Variants in REC114 observed in about 807,000 individuals in gnomAD.
REC114 encodes the protein REC114 meiotic recombination protein, also known as meiotic recombination protein REC114.
In REC114, 27 loss-of-function variants were observed where a neutral mutation model predicts 31.3. The observed-to-expected ratio is 0.86, with a 90% CI of 0.64 to 1.19. REC114 has a LOEUF of 1.19. Among genes scored for constraint, REC114 ranks in the 50% most tolerant of loss-of-function variants. REC114 has a pLI of 0.00. For synonymous variants in REC114, 134 were observed against 127.7 expected, an observed-to-expected ratio of 1.05 and a Z score of -0.33; for missense variants, 344 against 326.9, an observed-to-expected ratio of 1.05 and a Z score of -0.40.
chr15:73,518,259 C>T (rs1420850714), intron 2 of REC114, among the ~76,000 whole-genome samples: 1 of 152,182 alleles, frequency 6.6e-6, no homozygotes, highest in African/African-American at 2.4e-5. Flanking sequence ...ATAACTTATT[C>T]CTTCATGGAT....
chr15:73,451,084 G>A (rs957004884), intron 1 of REC114, among the ~76,000 whole-genome samples: 5 of 152,112 alleles, frequency 3.3e-5, no homozygotes, highest in Non-Finnish European at 7.4e-5. Context: ...AACTAGAGAA[G>A]CAAGAGCAAA....
At position 73,543,095 on chromosome 15, in the gene REC114, G is replaced by T. The variant is rs190571945; in HGVS notation, c.333+2527G>T. The stretch of plus-strand genomic sequence containing the variant: ...TCAAAAACTAGTTTCTAATTTGACA[G>T]GCAGAAATAAGCATATTCCTTTAAT... On this transcript the variant is annotated intron_variant, in intron 3 of 5. Transcript: ENST00000331090. Among the ~76,000 whole-genome samples, 82 of 152,140 alleles carry T rather than the reference G, an allele frequency of 5.4e-4. 1 individual carries two copies. The highest frequency in any genetic ancestry group is 1.8e-3 in the African/African-American group (74 of 41,492).
At chr15:73,484,645 A>G (rs1893342571) in intron 2 of REC114, among the ~76,000 whole-genome samples, 1 of 152,208 alleles carries the variant, frequency 6.6e-6, no homozygotes, top group African/African-American at 2.4e-5. Context: ...CAGGTTCTAA[A>G]TATATCCAAA....
At chr15:73,514,399 G>C (rs951201811) in intron 2 of REC114, among the ~76,000 whole-genome samples, 1 of 151,822 alleles carries the variant, frequency 6.6e-6, no homozygotes, top group African/African-American at 2.4e-5. Context: ...GAAATCACCC[G>C]TCTTCTGCGT....
intron 3 of REC114, among the ~76,000 whole-genome samples, chr15:73,549,339 G>C (rs989266975): frequency 3.3e-5 from 5 of 152,204 alleles, no homozygotes; most frequent in African/African-American, 9.7e-5. Context: ...TGGAGATAAA[G>C]AGTAGAAGGA....
At position 73,465,167 on chromosome 15, in the gene REC114, C is replaced by T. The variant is rs1335314728; in HGVS notation, c.160-8665C>T. Among the ~76,000 whole-genome samples the T allele has an allele frequency of 2.6e-5, 4 of 152,156 alleles. No homozygotes were observed. The East Asian group carries it at 7.7e-4, about 29-fold the overall frequency. Reference sequence around the variant, plus strand: ...TCGGCCTCCCAAAGTGCTGGGCTTACAGGTGTGAGTCACTGTCCCCTGCCA... The same window carrying T: ...TCGGCCTCCCAAAGTGCTGGGCTTATAGGTGTGAGTCACTGTCCCCTGCCA... On this transcript the variant is annotated intron_variant, in intron 1 of 5. Transcript: ENST00000331090.
At chr15:73,457,173 G>A (rs1000150700) in intron 1 of REC114, among the ~76,000 whole-genome samples, 1 of 151,116 alleles carries the variant, frequency 6.6e-6, no homozygotes, top group African/African-American at 2.4e-5. Flanking sequence ...CTGGGACTAG[G>A]GCTAATTTTT....
chr15:73,473,233 A>G (rs1012457931), intron 1 of REC114, among the ~76,000 whole-genome samples: 14 of 152,268 alleles, frequency 9.2e-5, no homozygotes, highest in Admixed American at 7.8e-4. Context: ...CACTAAAAAT[A>G]CAAAAATTAA....
chr15:73,521,316 C>T (rs936259369), intron 2 of REC114, among the ~76,000 whole-genome samples: 14 of 152,090 alleles, frequency 9.2e-5, no homozygotes, highest in African/African-American at 3.1e-4. Flanking sequence ...TTCAAGTACA[C>T]ATAGTATACA....
At chr15:73,497,004 CAGAAG>C (rs1401802755) in intron 2 of REC114, among the ~76,000 whole-genome samples, 1 of 151,372 alleles carries the variant, frequency 6.6e-6, no homozygotes, top group South Asian at 2.1e-4. Context: ...CTCTGAAAGA[CAGAAG>C]AGATGTTCAG....
intron 2 of REC114, among the ~76,000 whole-genome samples, chr15:73,505,400 C>T (rs867551635): frequency 1.3e-5 from 2 of 152,086 alleles, no homozygotes; most frequent in Middle Eastern, 3.4e-3. Context: ...GTTTTTTGTC[C>T]AATTGGCCCG....
intron 2 of REC114, among the ~76,000 whole-genome samples, chr15:73,519,080 C>T (rs763217731): frequency 3.3e-5 from 5 of 152,192 alleles, no homozygotes; most frequent in South Asian, 2.1e-4. Context: ...AACAAACAAG[C>T]GAAACAGAAA....
intron 2 of REC114, among the ~76,000 whole-genome samples, chr15:73,528,786 A>G (rs1894038563): frequency 6.6e-6 from 1 of 152,238 alleles, no homozygotes; most frequent in Non-Finnish European, 1.5e-5. Flanking sequence ...GAGTCTGTAC[A>G]ATCAAAATGC....
intron 3 of REC114, among the ~76,000 whole-genome samples, chr15:73,547,488 G>A (rs1271969285): frequency 2.6e-5 from 4 of 152,110 alleles, no homozygotes; most frequent in Admixed American, 6.5e-5. Flanking sequence ...CAGTTTGGAC[G>A]TTCCTCAAAA....
At chr15:73,448,366 G>A (rs1005346342) in intron 1 of REC114, among the ~76,000 whole-genome samples, 1 of 152,200 alleles carries the variant, frequency 6.6e-6, no homozygotes, top group African/African-American at 2.4e-5. Context: ...CCCTTACAGT[G>A]TAAACAAAGC....
intron 1 of REC114, among the ~76,000 whole-genome samples, chr15:73,464,882 GTTTT>G (rs1334892458): frequency 6.6e-6 from 1 of 151,712 alleles, no homozygotes; most frequent in Non-Finnish European, 1.5e-5. Context: ...TGGATGATGT[GTTTT>G]TTGTTTGTTT....
rs187130910 is a variant in REC114, at chr15:73,448,325, G to A, written c.159+4981G>A. Among the ~76,000 whole-genome samples the A allele has an allele frequency of 3.6e-3, 541 of 152,258 alleles. 2 individuals are homozygous for A. Among genetic ancestry groups the A allele is most frequent in the Admixed American group, 7.6e-3 (116 of 15,296 alleles). Reference sequence around the variant, plus strand: ...TATCTTGGTGGGGGGAAGGGCATCCGCCATTGCTGAGGCTTGAGTAGGTGG... The same window carrying A: ...TATCTTGGTGGGGGGAAGGGCATCCACCATTGCTGAGGCTTGAGTAGGTGG... On this transcript the variant is annotated intron_variant, in intron 1 of 5. Transcript: ENST00000331090.
chr15:73,489,018 T>C (rs1893410014), intron 2 of REC114, among the ~76,000 whole-genome samples: 1 of 152,162 alleles, frequency 6.6e-6, no homozygotes, highest in South Asian at 2.1e-4. Context: ...GTATTTCTTA[T>C]AGTTCTGGAG....
At chr15:73,546,815 A>AG (rs1894315268) in intron 3 of REC114, among the ~76,000 whole-genome samples, 3 of 109,462 alleles carry the variant, frequency 2.7e-5, no homozygotes, top group South Asian at 3.4e-4. Context: ...ACTCTGTCTC[A>AG]GGAAAAAAAA....
Sources: allele counts gnomAD v4.1 joint callset (sites outside exome capture counted in the v4.1 genomes callset), GRCh38; gene constraint gnomAD v4.1.1; transcripts MANE v1.5; gene names NCBI Gene and HGNC (gene_info 2026-07-23, HGNC 2026-07-21).